Variants in CEP63 observed in about 807,000 individuals in gnomAD.
The protein encoded by CEP63 is centrosomal protein 63.
In CEP63, 84 loss-of-function variants were observed where a neutral mutation model predicts 89.1. That is an observed-to-expected ratio of 0.94 (90% CI 0.79 to 1.13). CEP63 has a LOEUF of 1.13. Ranked by LOEUF, CEP63 falls within the 50% of genes most tolerant of loss-of-function variation. The pLI is 0.00. For synonymous variants in CEP63, 267 were observed against 272.5 expected, an observed-to-expected ratio of 0.98 and a Z score of 0.20; for missense variants, 838 against 813.3, an observed-to-expected ratio of 1.03 and a Z score of -0.37.
chr3:134,583,396 A>G (rs4550857), intron 10 of CEP63, among the ~76,000 whole-genome samples: 96,548 of 151,826 alleles, frequency 0.64, 31,413 homozygotes, highest in East Asian at 0.81. Context: ...CTTTCTACAT[A>G]TGGCTAGCCA....
At chr3:134,615,477 T>G in the CEP63 span, 1 of 151,928 alleles carries the variant, frequency 6.6e-6, no homozygotes, top group Admixed American at 6.5e-5. Context: ...TTATTTTATT[T>G]TATTTTTGTT....
At chr3:134,567,702 A>G (rs767808792), downstream of CEP63, among the ~76,000 whole-genome samples, 3 of 152,178 alleles carry the variant, frequency 2.0e-5, no homozygotes, top group Non-Finnish European at 4.4e-5. Flanking sequence ...GCAGAGGGCC[A>G]GGGGCCTGCA....
chr3:134,522,049 T>C (rs888379801), intron 3 of CEP63, among the ~76,000 whole-genome samples: 2 of 152,204 alleles, frequency 1.3e-5, no homozygotes, highest in African/African-American at 4.8e-5. Flanking sequence ...TTTGTATTTC[T>C]TCTCATTGTT....
chr3:134,709,264 T>C, the CEP63 span, among the ~76,000 whole-genome samples: 1 of 152,110 alleles, frequency 6.6e-6, no homozygotes, highest in Non-Finnish European at 1.5e-5. Context: ...AGTCCCAGTT[T>C]GGCAACTTCA....
chr3:134,498,780 GC>G (rs564458309), intron 2 of CEP63, among the ~76,000 whole-genome samples: 94 of 152,188 alleles, frequency 6.2e-4, no homozygotes, highest in African/African-American at 2.2e-3. Context: ...TTTATCAAGT[GC>G]TTTTTCTGTA....
the CEP63 span, among the ~76,000 whole-genome samples, chr3:134,643,008 T>G: frequency 6.6e-6 from 1 of 152,160 alleles, no homozygotes; most frequent in African/African-American, 2.4e-5. Context: ...GGCACATAGT[T>G]AGCATTCAAC....
At chr3:134,670,489 A>C in the CEP63 span, among the ~76,000 whole-genome samples, 1 of 152,202 alleles carries the variant, frequency 6.6e-6, no homozygotes, top group African/African-American at 2.4e-5. Context: ...CATTGCAAGG[A>C]AGTTCCTTAT....
chr3:134,631,146 A>G, the CEP63 span, among the ~76,000 whole-genome samples: 1 of 152,208 alleles, frequency 6.6e-6, no homozygotes, highest in African/African-American at 2.4e-5. Flanking sequence ...GCAAAGAGAA[A>G]TAATATGATG....
At chr3:134,741,638 A>C in the CEP63 span, among the ~76,000 whole-genome samples, 1 of 152,150 alleles carries the variant, frequency 6.6e-6, no homozygotes, top group African/African-American at 2.4e-5. Flanking sequence ...CATAGATTTA[A>C]ACAATCGTGT....
chr3:134,667,154 C>T, the CEP63 span, among the ~76,000 whole-genome samples: 1 of 152,206 alleles, frequency 6.6e-6, no homozygotes, highest in Admixed American at 6.5e-5. Context: ...CAGATTCAAC[C>T]TTCATACCGC....
At chr3:134,519,070 G>A (rs777213504) in intron 3 of CEP63, among the ~76,000 whole-genome samples, 6 of 151,306 alleles carry the variant, frequency 4.0e-5, no homozygotes, top group South Asian at 4.2e-4. Context: ...AAAATCCCTA[G>A]GAAAGCACAG....
At chr3:134,534,992 C>T (rs1480637625) in intron 5 of CEP63, among the ~76,000 whole-genome samples, 1 of 152,156 alleles carries the variant, frequency 6.6e-6, no homozygotes, top group African/African-American at 2.4e-5. Context: ...CATGCCCTCC[C>T]CCTTTTCTAC....
chr3:134,496,707 A>G (rs993631687), intron 2 of CEP63, among the ~76,000 whole-genome samples: 7 of 152,222 alleles, frequency 4.6e-5, no homozygotes, highest in Non-Finnish European at 5.9e-5. Context: ...TGCAGTCTTT[A>G]TTGATAAGGT....
chr3:134,726,543 A>G, the CEP63 span, among the ~76,000 whole-genome samples: 2 of 151,630 alleles, frequency 1.3e-5, no homozygotes, highest in South Asian at 4.2e-4. Flanking sequence ...AGGCTGGGCT[A>G]CCTTCCTCCT....
the CEP63 span, chr3:134,612,836 G>A: frequency 6.6e-6 from 1 of 150,654 alleles, no homozygotes; most frequent in Non-Finnish European, 1.5e-5. Flanking sequence ...GGAGTGAGAG[G>A]GGGAGAGATG....
At chr3:134,485,875 G>C, upstream of CEP63, 1 of 526,782 alleles carries the variant, frequency 1.9e-6, no homozygotes, top group Non-Finnish European at 2.4e-6. Flanking sequence ...GATGGGAATA[G>C]GGGGAAGTCC....
At chr3:134,518,927 GA>G (rs1576991130) in intron 3 of CEP63, among the ~76,000 whole-genome samples, 1 of 151,906 alleles carries the variant, frequency 6.6e-6, no homozygotes, top group African/African-American at 2.4e-5. Context: ...AAAAAGGGGG[GA>G]AAATAACTAA....
the CEP63 span, chr3:134,604,347 AG>A: frequency 1.2e-6 from 2 of 1,613,962 alleles, no homozygotes; most frequent in Non-Finnish European, 1.7e-6. Flanking sequence ...CCATGGTTGG[AG>A]GGTACACCTC....
the CEP63 span, among the ~76,000 whole-genome samples, chr3:134,670,173 G>A: frequency 6.6e-6 from 1 of 152,096 alleles, no homozygotes; most frequent in African/African-American, 2.4e-5. Flanking sequence ...ATTTACTATA[G>A]CAGCCTAAAT....
Sources: gnomAD v4.1 joint callset for allele counts (sites outside exome capture counted in the v4.1 genomes callset) on GRCh38, gnomAD v4.1.1 for gene constraint, MANE v1.5 for transcripts, NCBI Gene and HGNC (gene_info 2026-07-23, HGNC 2026-07-21) for gene names.